Variants in RBM5 observed in about 807,000 individuals in gnomAD.
The protein encoded by RBM5 is RNA binding motif protein 5, also known as RNA-binding protein 5.
Under a neutral mutation model 124.6 loss-of-function variants are expected in RBM5, and 15 were observed. The observed-to-expected ratio is 0.12, with a 90% CI of 0.08 to 0.19. The LOEUF is 0.19. Ranked by LOEUF, RBM5 falls within the 10% of genes least tolerant of loss-of-function variation. The probability of loss-of-function intolerance (pLI) is 1.00; values close to 1 mark genes in which losing one functional copy is unlikely to be tolerated. For synonymous variants in RBM5, 337 were observed against 361.2 expected (o/e 0.93, Z 0.76); for missense variants, 580 against 1,026.5 (o/e 0.57, Z 5.94).
chr3:50,114,479 TTAAG>T (rs2091204745), intron 20 of RBM5: 2 of 504,286 alleles, frequency 4.0e-6, no homozygotes, highest in East Asian at 7.0e-5. Flanking sequence ...GCTCAGTTAA[TTAAG>T]TTTCATTGCA....
chr3:50,116,102 C>A, intron 22 of RBM5, 122 bp downstream of exon 22: 1 of 924,312 alleles, frequency 1.1e-6, no homozygotes, highest in Non-Finnish European at 1.7e-6. Context: ...CCCTTGTCAT[C>A]TGACCATTGT....
At chr3:50,096,272 T>C (rs1293657757) in intron 4 of RBM5, among the ~76,000 whole-genome samples, 1 of 151,066 alleles carries the variant, frequency 6.6e-6, no homozygotes, top group Admixed American at 6.6e-5. Context: ...AAAGAGTGCT[T>C]GAGCCCAGGA....
chr3:50,115,437 G>C lies in RBM5; in HGVS notation c.1849G>C (p.Val617Leu). Reference protein sequence around the residue: ...DEENPLKRGLVAAYSGDSDNE... With the variant: ...DEENPLKRGLLAAYSGDSDNE... ...CTCCTTTTGTCTCCAGAGGGGTCTG[G>C]TTGCTGCTTACAGTGGTGACAGTGA... is the stretch of plus-strand genomic sequence containing the variant. The change falls in exon 21 of 25, where the codon GTT (valine) becomes CTT (leucine). Residue 617 changes from valine (V) to leucine (L), a missense_variant. Physicochemically the swap from Val to Leu is conservative, Grantham distance 32. Coordinates refer to ENST00000347869, the MANE Select transcript of RBM5 (RefSeq NM_005778.4). 6.2e-7 allele frequency: 1 copy of C among 1,613,854 alleles called. No homozygotes were observed. Among genetic ancestry groups the C allele is most frequent in the Non-Finnish European group, 8.5e-7 (1 of 1,179,958 alleles).
chr3:50,095,962 A>G (rs2090806659), intron 4 of RBM5, among the ~76,000 whole-genome samples: 1 of 152,198 alleles, frequency 6.6e-6, no homozygotes, highest in Non-Finnish European at 1.5e-5. Flanking sequence ...CAAAATAAGC[A>G]TTGGATTCCC....
At chr3:50,116,324 A>G (rs1019093134) in intron 22 of RBM5, 2 of 252,366 alleles carry the variant, frequency 7.9e-6, no homozygotes, top group African/African-American at 4.4e-5. Context: ...GTGCGCTTCA[A>G]ATTAATCCCA....
intron 4 of RBM5, 91 bp from the exon 5 acceptor site, chr3:50,099,891 T>G: frequency 8.6e-7 from 1 of 1,162,040 alleles, no homozygotes. Context: ...AAAAAAAACT[T>G]GGCTAATTAA....
chr3:50,115,208 T>G (rs1386252927), intron 20 of RBM5: 1 of 512,918 alleles, frequency 1.9e-6, no homozygotes, highest in Non-Finnish European at 3.4e-6. Flanking sequence ...AATCCATTTC[T>G]TAGGCTCCAA....
chr3:50,105,301 C>G (rs895782150), intron 9 of RBM5, among the ~76,000 whole-genome samples, 159 bp downstream of exon 9: 2 of 150,880 alleles, frequency 1.3e-5, no homozygotes, highest in African/African-American at 4.9e-5. Context: ...CCAGCTACTC[C>G]GTCTCAAAAA....
Position 50,100,717 on chromosome 3 carries a change from A to G in RBM5, c.483+112A>G, listed in dbSNP as rs2090921944. 3.7e-6 allele frequency: 3 copies of G among 810,664 alleles called. No homozygotes were observed. Among genetic ancestry groups the G allele is most frequent in the Non-Finnish European group, 5.7e-6 (3 of 522,888 alleles). The allele number at this position is 810,664 out of a possible 1,614,324, so 50.2% of individuals were successfully genotyped here. A position where few individuals can be genotyped will look rare whatever the true frequency, so the allele number is the denominator to read the frequency against. ...CAAAGGAGTGACTTTTTTTTAAAAA[A>G]AAAGCTTTGTATATATTAAAATTGA... On this transcript the variant is annotated intron_variant, in intron 6 of 24. Transcript: ENST00000347869. The surrounding 1 kb of genome is among the most constrained non-coding windows in gnomAD (Gnocchi z 5.1).
chr3:50,106,891 A>T, intron 11 of RBM5, 27 bp downstream of exon 11: 1 of 1,506,120 alleles, frequency 6.6e-7, no homozygotes, highest in South Asian at 1.1e-5. Context: ...TCCTTATTTC[A>T]AACTACTGCA....
intron 14 of RBM5, among the ~76,000 whole-genome samples, chr3:50,109,343 G>A (rs907931885): frequency 6.6e-6 from 1 of 152,096 alleles, no homozygotes; most frequent in Non-Finnish European, 1.5e-5. Flanking sequence ...AAAGTGCTGG[G>A]ATTACAGGCC....
intron 20 of RBM5, 73 bp downstream of exon 20, chr3:50,114,324 T>C (rs1251188254): frequency 2.1e-6 from 3 of 1,419,412 alleles, no homozygotes; most frequent in Non-Finnish European, 2.9e-6. Context: ...CAACTGCATC[T>C]TGGCTAATGT....
chr3:50,106,402 G>A (rs1055723947), intron 10 of RBM5, among the ~76,000 whole-genome samples: 2 of 151,996 alleles, frequency 1.3e-5, no homozygotes, highest in South Asian at 2.1e-4. Flanking sequence ...GATTACAGGC[G>A]TGAGCCACCG....
rs577165189 is a variant in RBM5 at position 50,118,715 on chromosome 3, A to ATAGTGTAATG, written c.*263_*272dup. The ATAGTGTAATG allele has an allele frequency of 3.4e-3, 1,780 of 528,714 alleles. 4 individuals are homozygous for ATAGTGTAATG. Among genetic ancestry groups the ATAGTGTAATG allele is most frequent in the Middle Eastern group, 4.7e-3 (9 of 1,934 alleles). The allele number at this position is 528,714 out of a possible 1,614,324, so 32.8% of individuals were successfully genotyped here. A position where few individuals can be genotyped will look rare whatever the true frequency, so the allele number is the denominator to read the frequency against. On this transcript the variant is annotated 3_prime_UTR_variant, in exon 25 of 25. Coordinates refer to ENST00000347869, the MANE Select transcript of RBM5 (RefSeq NM_005778.4). Reference sequence around the variant, plus strand: ...GTGGATTGTTTATACTCCAGTGTACATAGTGTAATGTAGCGTGTTTACATG... The same window carrying ATAGTGTAATG: ...GTGGATTGTTTATACTCCAGTGTACATAGTGTAATGTAGTGTAATGTAGCGTGTTTACATG...
At chr3:50,115,828 G>A (rs1294095647) in intron 21 of RBM5, 78 bp from the exon 22 acceptor site, 12 of 1,363,636 alleles carry the variant, frequency 8.8e-6, no homozygotes, top group Non-Finnish European at 1.3e-5. Context: ...TTAAAGTACA[G>A]TAGATGTTAC....
chr3:50,104,946 C>G (rs1247031254), intron 8 of RBM5, 131 bp from the exon 9 acceptor site: 1 of 685,654 alleles, frequency 1.5e-6, no homozygotes, highest in African/African-American at 1.8e-5. Context: ...TTACTATAGG[C>G]ACAAATGCTT....
At chr3:50,115,268 G>A (rs1304361598) in intron 20 of RBM5, 160 bp from the exon 21 acceptor site, 1 of 817,878 alleles carries the variant, frequency 1.2e-6, no homozygotes, top group Non-Finnish European at 1.9e-6. Flanking sequence ...GGACCTGACT[G>A]CTCCACGCAG....
chr3:50,101,686 C>G (rs900771177), intron 6 of RBM5: 2 of 152,164 alleles, frequency 1.3e-5, no homozygotes, highest in African/African-American at 4.8e-5. Flanking sequence ...GTGGATATGT[C>G]AGAATGACTA....
At chr3:50,091,801 A>G (rs1479496385) in intron 2 of RBM5, among the ~76,000 whole-genome samples, 3 of 152,228 alleles carry the variant, frequency 2.0e-5, no homozygotes, top group Non-Finnish European at 4.4e-5. Context: ...TCTTAGAAAT[A>G]TTCAACCCAA....
Sources: gnomAD v4.1 joint callset for allele counts (sites outside exome capture counted in the v4.1 genomes callset) on GRCh38, gnomAD v4.1.1 for gene constraint, Gnocchi (gnomAD v3.1) non-coding constraint, MANE v1.5 for transcripts, NCBI Gene and HGNC (gene_info 2026-07-23, HGNC 2026-07-21) for gene names.